The following LUZP2 variants were observed in gnomAD, a reference collection of about 807,000 sequenced individuals.
The protein encoded by LUZP2 is leucine zipper protein 2.
LUZP2 carries 52 observed loss-of-function variants against 51.6 expected under a neutral mutation model. The observed-to-expected ratio is 1.01, with a 90% CI of 0.81 to 1.27. The LOEUF (loss-of-function observed/expected upper bound fraction) is 1.27. LUZP2 is among the 50% of genes most tolerant of loss of function. The pLI is 0.00. For missense variants in LUZP2, 436 were observed against 395.4 expected (o/e 1.10, Z -0.87); for synonymous variants, 154 against 137.3 (o/e 1.12, Z -0.85).
chr11:24,519,893 T>C (rs1231107864), intron 1 of LUZP2, among the ~76,000 whole-genome samples: 1 of 152,210 alleles, frequency 6.6e-6, no homozygotes, highest in Non-Finnish European at 1.5e-5. Context: ...ATGAAGATAC[T>C]TGTTGACAGC....
chr11:24,566,351 G>C (rs11822756), intron 1 of LUZP2, among the ~76,000 whole-genome samples: 57,170 of 131,730 alleles, frequency 0.43, 12,018 homozygotes, highest in Middle Eastern at 0.53. Context: ...TTTTTTTTGA[G>C]ACGTAGTCTC....
chr11:24,586,782 A>T (rs184047791), intron 1 of LUZP2, among the ~76,000 whole-genome samples: 80 of 152,216 alleles, frequency 5.3e-4, no homozygotes, highest in Non-Finnish European at 9.3e-4. Context: ...CCAATTCTGT[A>T]TTATCTACAT....
intron 9 of LUZP2, among the ~76,000 whole-genome samples, chr11:25,044,712 A>G (rs969120131): frequency 5.4e-4 from 61 of 113,550 alleles, no homozygotes; most frequent in African/African-American, 1.7e-3. Flanking sequence ...ATTACTGGGT[A>G]TATACCAAAG....
intron 9 of LUZP2, among the ~76,000 whole-genome samples, chr11:25,045,097 A>G (rs1298480691): frequency 6.7e-6 from 1 of 149,776 alleles, no homozygotes; most frequent in African/African-American, 2.5e-5. Flanking sequence ...TAGGAGATAT[A>G]CCTAATGCTA....
intron 1 of LUZP2, among the ~76,000 whole-genome samples, chr11:24,688,625 G>T (rs1473273537): frequency 1.3e-5 from 2 of 151,924 alleles, no homozygotes; most frequent in African/African-American, 4.8e-5. Context: ...CTTATTTCAG[G>T]CTCAGAAACT....
intron 10 of LUZP2, among the ~76,000 whole-genome samples, chr11:25,052,192 A>G (rs1198304101): frequency 2.0e-5 from 3 of 152,226 alleles, no homozygotes; most frequent in African/African-American, 7.2e-5. Context: ...TGCAGATTCA[A>G]TTATAGATAA....
intron 5 of LUZP2, among the ~76,000 whole-genome samples, chr11:24,872,515 T>A (rs544236768): frequency 6.6e-6 from 1 of 152,276 alleles, no homozygotes; most frequent in East Asian, 1.9e-4. Flanking sequence ...ATATTTAAAA[T>A]GTTAATTACC....
chr11:24,852,477 G>T (rs1476717038), intron 5 of LUZP2, among the ~76,000 whole-genome samples: 1 of 152,146 alleles, frequency 6.6e-6, no homozygotes, highest in African/African-American at 2.4e-5. Flanking sequence ...GAGACTGTTT[G>T]TTATGATTTC....
intron 9 of LUZP2, among the ~76,000 whole-genome samples, chr11:25,043,147 G>T (rs1306803663): frequency 1.3e-5 from 2 of 152,112 alleles, no homozygotes; most frequent in Non-Finnish European, 2.9e-5. Context: ...TCAGAACTGG[G>T]AGAAAATAGA....
chr11:24,505,426 T>C (rs1850118635), intron 1 of LUZP2, among the ~76,000 whole-genome samples: 1 of 152,198 alleles, frequency 6.6e-6, no homozygotes, highest in Non-Finnish European at 1.5e-5. Flanking sequence ...GAACATCTCT[T>C]AGCCATATTT....
intron 5 of LUZP2, among the ~76,000 whole-genome samples, chr11:24,880,278 C>T (rs992722513): frequency 3.5e-5 from 4 of 113,388 alleles, no homozygotes; most frequent in Non-Finnish European, 8.0e-5. Flanking sequence ...CTCTCCCTCT[C>T]CCAAATTTAG....
At chr11:24,639,646 T>A (rs1855216273) in intron 1 of LUZP2, among the ~76,000 whole-genome samples, 1 of 151,814 alleles carries the variant, frequency 6.6e-6, no homozygotes. Flanking sequence ...AGACAGGGTT[T>A]CACCACGTTG....
chr11:24,551,232 C>T (rs1330002296), intron 1 of LUZP2, among the ~76,000 whole-genome samples: 3 of 151,904 alleles, frequency 2.0e-5, no homozygotes, highest in East Asian at 3.9e-4. Flanking sequence ...GTAATATATA[C>T]GTACTACAAA....
intron 5 of LUZP2, among the ~76,000 whole-genome samples, chr11:24,765,916 G>A (rs1860174735): frequency 6.6e-6 from 1 of 151,856 alleles, no homozygotes; most frequent in Non-Finnish European, 1.5e-5. Context: ...GTGAGCTACC[G>A]CACCCGGCCA....
chr11:24,568,407 A>G (rs1852319432), intron 1 of LUZP2, among the ~76,000 whole-genome samples: 1 of 151,858 alleles, frequency 6.6e-6, no homozygotes, highest in Non-Finnish European at 1.5e-5. Context: ...GAGACAAAAT[A>G]GACTTTTTTA....
At chr11:24,658,754 A>G (rs957513052) in intron 1 of LUZP2, among the ~76,000 whole-genome samples, 1 of 152,152 alleles carries the variant, frequency 6.6e-6, no homozygotes, top group African/African-American at 2.4e-5. Flanking sequence ...TCAAAAAGTC[A>G]ATGAAGGATA....
At chr11:24,568,472 C>T (rs1025398951) in intron 1 of LUZP2, among the ~76,000 whole-genome samples, 1 of 151,266 alleles carries the variant, frequency 6.6e-6, no homozygotes, top group Non-Finnish European at 1.5e-5. Flanking sequence ...AAAAATTAAT[C>T]TATTAGGCAG....
chr11:24,557,243 A>C (rs2133762029), intron 1 of LUZP2, among the ~76,000 whole-genome samples: 1 of 152,290 alleles, frequency 6.6e-6, no homozygotes, highest in African/African-American at 2.4e-5. Flanking sequence ...TCGTTGCTAA[A>C]AATAAATAAT....
At chr11:24,684,228 C>T (rs1318480004) in intron 1 of LUZP2, among the ~76,000 whole-genome samples, 2 of 152,068 alleles carry the variant, frequency 1.3e-5, no homozygotes, top group South Asian at 2.1e-4. Context: ...AATTTGTTTG[C>T]ATCACTCTAC....
Sources: allele counts gnomAD v4.1 joint callset (sites outside exome capture counted in the v4.1 genomes callset), GRCh38; gene constraint gnomAD v4.1.1; transcripts MANE v1.5; gene names NCBI Gene and HGNC (gene_info 2026-07-23, HGNC 2026-07-21).